KANK1: variants seen among roughly 807,000 people sequenced by gnomAD.
KANK1 encodes the protein KN motif and ankyrin repeat domain-containing protein 1.
In KANK1, 109 loss-of-function variants were observed where a neutral mutation model predicts 106.2. The observed-to-expected ratio is 1.03, with a 90% CI of 0.88 to 1.20. The LOEUF (loss-of-function observed/expected upper bound fraction) is 1.20, where lower values mean the gene tolerates loss of function less well. KANK1 is among the 50% of genes most tolerant of loss of function. KANK1 has a pLI of 0.00. For missense variants in KANK1, 2,399 were observed against 1,710.7 expected (o/e 1.40, Z -7.10); for synonymous variants, 873 against 652.2 (o/e 1.34, Z -5.16).
At chr9:730,527 A>G in intron 4 of KANK1, 1 of 386,448 alleles carries the variant, frequency 2.6e-6, no homozygotes, top group South Asian at 2.2e-5. Flanking sequence ...CCCCATCTCT[A>G]CTAAAAAATA....
At chr9:551,738 T>A (rs994094172) in intron 1 of KANK1, among the ~76,000 whole-genome samples, 19 of 152,060 alleles carry the variant, frequency 1.2e-4, no homozygotes, top group African/African-American at 4.3e-4. Context: ...GGTGTTGTTA[T>A]AATGGTGATA....
intron 1 of KANK1, among the ~76,000 whole-genome samples, chr9:530,525 T>A (rs2060009738): frequency 6.6e-6 from 1 of 152,220 alleles, no homozygotes; most frequent in South Asian, 2.1e-4. Context: ...TGACTTCTGT[T>A]TCTTGACTTC....
rs530756959 is a variant in KANK1 at position 712,788 on chromosome 9, C to T, written c.2022C>T (p.Ser674=). The T allele has an allele frequency of 3.7e-6, 6 of 1,613,864 alleles. No homozygotes were observed. In the African/African-American group the frequency reaches 6.7e-5, roughly 18 times the overall value. ...CTCGTACTGCAGACCAGGACACTAG[C>T]ACAGATTTGGAACAGGTGCACCAGT... ...AVPRTADQDT[S]TDLEQVHQFT... is the part of the protein sequence containing the mutation. The change falls in exon 3 of 12, where the codon AGC becomes AGT. Residue 674 remains serine, a synonymous_variant. Transcript: ENST00000382297.
upstream of KANK1, among the ~76,000 whole-genome samples, chr9:500,111 C>T (rs1371727513): frequency 6.6e-6 from 1 of 152,120 alleles, no homozygotes; most frequent in East Asian, 1.9e-4. Flanking sequence ...CTTCTTGCAC[C>T]TGCTGTTTTT....
Position 713,522 on chromosome 9 carries a change from G to A in KANK1, c.2698+58G>A, listed in dbSNP as rs1237389202. The A allele has an allele frequency of 6.7e-6, 10 of 1,499,120 alleles. No individual in the cohort carries two copies. The East Asian group carries it at 2.3e-4, about 34-fold the overall frequency. The allele number at this position is 1,499,120 out of a possible 1,614,324, so 92.9% of individuals were successfully genotyped here. ...AAGGATGGGGGAAAATGTCTTTCCAGAAGCTAAGGATTATTTTTTAACTGC... is the reference window on the plus strand; with the variant it reads ...AAGGATGGGGGAAAATGTCTTTCCAAAAGCTAAGGATTATTTTTTAACTGC... On this transcript the variant is annotated intron_variant, in intron 3 of 11. Transcript: ENST00000382297.
At chr9:631,249 AATT>A (rs1330417806) in intron 1 of KANK1, among the ~76,000 whole-genome samples, 7 of 152,194 alleles carry the variant, frequency 4.6e-5, no homozygotes, top group African/African-American at 1.7e-4. Context: ...CAGCAAGCAG[AATT>A]ATCTATGCAA....
intron 1 of KANK1, among the ~76,000 whole-genome samples, chr9:579,873 C>T (rs1355270674): frequency 6.6e-6 from 1 of 152,144 alleles, no homozygotes; most frequent in Non-Finnish European, 1.5e-5. Flanking sequence ...TCAGGCCAGA[C>T]AGTGAATCAG....
rs375028101 is a variant in KANK1 at position 584,255 on chromosome 9, AATATC to A, written c.-84+79506_-84+79510del. On this transcript the variant is annotated intron_variant, in intron 1 of 11. Coordinates refer to ENST00000382297, the MANE Select transcript of KANK1 (RefSeq NM_015158.5). ...TAAGTGGGAAAAACAAGTTACAAGT[AATATC>A]ATATGATTTACTTTTAGTGAAACTT... 4.9e-4 allele frequency among the ~76,000 whole-genome samples: 73 copies of A among 150,216 alleles called. 1 individual carries two copies. The highest frequency in any genetic ancestry group is 2.1e-4 in the Non-Finnish European group (14 of 68,018).
chr9:516,927 C>G (rs1171224290), intron 1 of KANK1, among the ~76,000 whole-genome samples: 1 of 150,858 alleles, frequency 6.6e-6, no homozygotes, highest in East Asian at 1.9e-4. Context: ...GAAATTTGTC[C>G]TAATGAGGTT....
chr9:721,740 C>T (rs188226815), intron 3 of KANK1, among the ~76,000 whole-genome samples: 1 of 152,220 alleles, frequency 6.6e-6, no homozygotes, highest in African/African-American at 2.4e-5. Context: ...CTAGGACTTT[C>T]ACTTCTTGTG....
At chr9:696,262 T>A (rs982150470) in intron 2 of KANK1, among the ~76,000 whole-genome samples, 1 of 149,578 alleles carries the variant, frequency 6.7e-6, no homozygotes, top group African/African-American at 2.5e-5. Context: ...CCAGCCTGGG[T>A]GACAGAGCGA....
chr9:606,754 T>C (rs963757428), intron 1 of KANK1, among the ~76,000 whole-genome samples: 6 of 151,554 alleles, frequency 4.0e-5, no homozygotes, highest in African/African-American at 1.5e-4. Flanking sequence ...TTTTATCTGT[T>C]TGTGGAGAGG....
rs201557720 is a variant in KANK1 at position 712,968 on chromosome 9, G to T, written c.2202G>T (p.Arg734=). The T allele has an allele frequency of 8.1e-5, 130 of 1,614,216 alleles. No homozygotes were observed. In the Middle Eastern group the frequency reaches 1.2e-3, roughly 14 times the overall value. Residue 734 remains arginine (R), a synonymous_variant, in exon 3 of 12, where the codon CGG becomes CGT. Transcript: ENST00000382297. ...VKDINSSTKT[R]SIGVGTLLSG... ...ACATCAACTCCTCCACCAAGACGCG[G>T]TCCATTGGTGTTGGAACGTTGCTTT...
chr9:610,414 T>G (rs1379774851), intron 1 of KANK1, among the ~76,000 whole-genome samples: 1 of 152,126 alleles, frequency 6.6e-6, no homozygotes, highest in African/African-American at 2.4e-5. Flanking sequence ...GATATGGAAG[T>G]GATAATGGTG....
chr9:720,249 GT>G (rs1469580694), intron 3 of KANK1, among the ~76,000 whole-genome samples: 2 of 152,218 alleles, frequency 1.3e-5, no homozygotes, highest in African/African-American at 4.8e-5. Context: ...CTTCCCAGTT[GT>G]GCCTGTGAAA....
chr9:565,566 A>G (rs1817605549), intron 1 of KANK1, among the ~76,000 whole-genome samples: 1 of 152,194 alleles, frequency 6.6e-6, no homozygotes, highest in African/African-American at 2.4e-5. Flanking sequence ...TTCGGTGGAC[A>G]GGGGACTATA....
At chr9:728,417 C>G (rs947477230) in intron 3 of KANK1, among the ~76,000 whole-genome samples, 3 of 152,150 alleles carry the variant, frequency 2.0e-5, no homozygotes, top group Non-Finnish European at 2.9e-5. Context: ...AGGCTGGTCT[C>G]GGACTCTTGA....
intron 1 of KANK1, among the ~76,000 whole-genome samples, chr9:640,473 C>T (rs1175126947): frequency 6.6e-6 from 1 of 151,564 alleles, no homozygotes; most frequent in Non-Finnish European, 1.5e-5. Context: ...TCTCGGATTA[C>T]TGCAACCTCC....
intron 1 of KANK1, among the ~76,000 whole-genome samples, chr9:618,066 T>C (rs1394470669): frequency 1.3e-5 from 2 of 152,214 alleles, no homozygotes; most frequent in Non-Finnish European, 2.9e-5. Context: ...TCTTGAAGGT[T>C]ATTTCAGTAG....
Sources: gnomAD v4.1 joint callset for allele counts (sites outside exome capture counted in the v4.1 genomes callset) on GRCh38, gnomAD v4.1.1 for gene constraint, MANE v1.5 for transcripts, NCBI Gene and HGNC (gene_info 2026-07-23, HGNC 2026-07-21) for gene names.